The following CLGN variants were observed in gnomAD, a reference collection of about 807,000 sequenced individuals.
The protein encoded by CLGN is testis tissue sperm-binding protein Li 79P.
In CLGN, 62 loss-of-function variants were observed where a neutral mutation model predicts 79.1. The ratio of observed to expected loss-of-function variants is 0.78; its 90% CI spans 0.64 to 0.97. The LOEUF (loss-of-function observed/expected upper bound fraction) is 0.97. Ranked by LOEUF, CLGN falls within the 50% of genes least tolerant of loss-of-function variation. CLGN has a pLI of 0.00. For synonymous variants in CLGN, 225 were observed against 224.7 expected (o/e 1.00, Z -0.01); for missense variants, 647 against 715.5 (o/e 0.90, Z 1.09).
rs1246896244 is a variant in CLGN at position 140,399,030 on chromosome 4, T to C, written c.705A>G (p.Pro235=). ...CAACTAACACCTCAAATGTGTCATC[T>C]GGATTCATCACTAAGGGACCAATTT... ...KTHLYTLVMN[P]DDTFEVLVDQ... Residue 235 remains proline (P), a synonymous_variant, in exon 8 of 15, where the codon CCA becomes CCG. Coordinates refer to ENST00000325617, the MANE Select transcript of CLGN (RefSeq NM_004362.3). 5.0e-6 allele frequency: 8 copies of C among 1,609,402 alleles called. No individual in the cohort carries two copies. The highest frequency in any genetic ancestry group is 5.9e-6 in the Non-Finnish European group (7 of 1,178,646).
At chr4:140,413,661 C>G (rs142350521) in intron 1 of CLGN, among the ~76,000 whole-genome samples, 1 of 152,158 alleles carries the variant, frequency 6.6e-6, no homozygotes, top group Non-Finnish European at 1.5e-5. Context: ...GCTTAAAAAA[C>G]GGCGCACCAC....
intron 10 of CLGN, among the ~76,000 whole-genome samples, chr4:140,394,726 A>G (rs1380512303): frequency 6.6e-6 from 1 of 152,252 alleles, no homozygotes; most frequent in African/African-American, 2.4e-5. Context: ...AAATGCTTTT[A>G]ATAAAAACTA....
At chr4:140,404,201 C>G (rs1729051394) in intron 5 of CLGN, among the ~76,000 whole-genome samples, 1 of 152,024 alleles carries the variant, frequency 6.6e-6, no homozygotes. Context: ...TCACGCCATT[C>G]TCCTGCCTCA....
In CLGN at chr4:140,405,176, T is replaced by A. The variant is rs62347443; in HGVS notation, c.419+766A>T. On this transcript the variant is annotated intron_variant, in intron 5 of 14. Coordinates refer to ENST00000325617, the MANE Select transcript of CLGN (RefSeq NM_004362.3). ...TTGATAACAAGTAATTTTTTTTATT[T>A]TTATTTTTTTTTTTATTTTTTTTTT... Among the ~76,000 whole-genome samples, 14 of 133,858 alleles carry A rather than the reference T, an allele frequency of 1.0e-4. No individual in the cohort carries two copies. In the East Asian group the frequency reaches 1.9e-3, roughly 18 times the overall value. The allele number at this position is 133,858 out of a possible 152,430, so 87.8% of individuals were successfully genotyped here.
At chr4:140,398,141 A>G (rs1578595215) in intron 8 of CLGN, among the ~76,000 whole-genome samples, 1 of 152,188 alleles carries the variant, frequency 6.6e-6, no homozygotes, top group Non-Finnish European at 1.5e-5. Context: ...GCTCAGAGTA[A>G]CCAAAAGTTA....
intron 13 of CLGN, among the ~76,000 whole-genome samples, chr4:140,391,549 T>C (rs751792564): frequency 2.0e-5 from 3 of 151,916 alleles, no homozygotes; most frequent in Admixed American, 6.6e-5. Context: ...TAGACACATA[T>C]GTGTTTTTAA....
intron 4 of CLGN, among the ~76,000 whole-genome samples, chr4:140,409,203 A>T (rs552250155): frequency 6.6e-6 from 1 of 152,154 alleles, no homozygotes; most frequent in African/African-American, 2.4e-5. Flanking sequence ...CTGTGAGAAG[A>T]GGCTGATCTT....
chr4:140,408,875 A>ATG (rs1729158879), intron 4 of CLGN, among the ~76,000 whole-genome samples: 1 of 145,714 alleles, frequency 6.9e-6, no homozygotes, highest in Admixed American at 7.1e-5. Flanking sequence ...ATATATATAT[A>ATG]TATATATATA....
chr4:140,420,821 A>C (rs1729455902), intron 1 of CLGN, among the ~76,000 whole-genome samples: 1 of 152,188 alleles, frequency 6.6e-6, no homozygotes, highest in African/African-American at 2.4e-5. Context: ...ATACTACAAG[A>C]AAATGAAGTA....
intron 14 of CLGN, 64 bp downstream of exon 14, chr4:140,390,564 C>A: frequency 1.9e-6 from 2 of 1,070,220 alleles, no homozygotes; most frequent in South Asian, 2.0e-5. Context: ...CATATTGGTG[C>A]TTTTATTGAA....
rs373197684 is a variant in CLGN at position 140,389,183 on chromosome 4, C to G, written c.*41G>C. 3.0e-4 allele frequency: 455 copies of G among 1,529,898 alleles called. No individual in the cohort carries two copies. Among genetic ancestry groups the G allele is most frequent in the Middle Eastern group, 5.1e-4 (3 of 5,906 alleles). The allele number at this position is 1,529,898 out of a possible 1,614,324, so 94.8% of individuals were successfully genotyped here. Reference sequence around the variant, plus strand: ...GTCTGGCATGCTGATTTTTACAATGCCAAACATCCCTCTCGGGAATTAAAA... The same window carrying G: ...GTCTGGCATGCTGATTTTTACAATGGCAAACATCCCTCTCGGGAATTAAAA... On this transcript the variant is annotated 3_prime_UTR_variant, in exon 15 of 15. Transcript: ENST00000325617.
chr4:140,409,669 G>A (rs1366478673), intron 4 of CLGN, among the ~76,000 whole-genome samples, 168 bp downstream of exon 4: 3 of 151,940 alleles, frequency 2.0e-5, no homozygotes, highest in Non-Finnish European at 4.4e-5. Flanking sequence ...CAGAAATAGC[G>A]AAGGGTTTTT....
intron 1 of CLGN, among the ~76,000 whole-genome samples, chr4:140,418,195 A>G (rs1729384787): frequency 1.3e-5 from 2 of 151,976 alleles, no homozygotes; most frequent in Non-Finnish European, 2.9e-5. Context: ...TTACACAAAA[A>G]TTAATTCAAG....
intron 1 of CLGN, among the ~76,000 whole-genome samples, chr4:140,419,928 A>G (rs1345053234): frequency 1.3e-5 from 2 of 152,182 alleles, no homozygotes; most frequent in East Asian, 3.8e-4. Context: ...GAACTCTAAA[A>G]GCTTCATTGT....
intron 4 of CLGN, among the ~76,000 whole-genome samples, chr4:140,408,821 T>C (rs1729156783): frequency 6.7e-6 from 1 of 150,320 alleles, no homozygotes. Context: ...CTACTGCTTT[T>C]TCTGTGCATA....
At chr4:140,416,865 T>C (rs1418985628) in intron 1 of CLGN, among the ~76,000 whole-genome samples, 4 of 150,442 alleles carry the variant, frequency 2.7e-5, no homozygotes, top group African/African-American at 9.7e-5. Context: ...CCAGCATCAT[T>C]CTGATACCAA....
At chr4:140,411,111 C>G (rs778451151) in intron 2 of CLGN, among the ~76,000 whole-genome samples, 2 of 152,026 alleles carry the variant, frequency 1.3e-5, no homozygotes, top group Non-Finnish European at 2.9e-5. Context: ...CAATTATCAA[C>G]AAAGCGTTGT....
At chr4:140,399,241 G>A (rs1728952539) in intron 7 of CLGN, among the ~76,000 whole-genome samples, 1 of 151,914 alleles carries the variant, frequency 6.6e-6, no homozygotes, top group Non-Finnish European at 1.5e-5. Flanking sequence ...GTTTTAAACT[G>A]CATTTTTTAC....
chr4:140,408,933 A>G (rs1681997495), intron 4 of CLGN, among the ~76,000 whole-genome samples: 1 of 150,558 alleles, frequency 6.6e-6, no homozygotes, highest in Admixed American at 6.7e-5. Context: ...ATGTATATAT[A>G]TTTGTGTATA....
Sources: allele counts gnomAD v4.1 joint callset (sites outside exome capture counted in the v4.1 genomes callset), GRCh38; gene constraint gnomAD v4.1.1; transcripts MANE v1.5; gene names NCBI Gene and HGNC (gene_info 2026-07-23, HGNC 2026-07-21).